TERT: variants seen among roughly 807,000 people sequenced by gnomAD.
TERT encodes telomerase catalytic subunit.
A neutral mutation model predicts 104.0 loss-of-function variants in TERT; 42 were observed. That is an observed-to-expected ratio of 0.40 (90% CI 0.32 to 0.52). The LOEUF is 0.52. Among genes scored for constraint, TERT ranks in the 20% least tolerant of loss-of-function variants. The pLI is 0.43. For missense variants in TERT, 1,101 were observed against 1,610.3 expected (o/e 0.68, Z 5.41); for synonymous variants, 781 against 725.6 (o/e 1.08, Z -1.23).
At chr5:1,264,922 A>C (rs1748484979) in intron 10 of TERT, among the ~76,000 whole-genome samples, 1 of 152,234 alleles carries the variant, frequency 6.6e-6, no homozygotes, top group Non-Finnish European at 1.5e-5. Context: ...ATCCCGTTAT[A>C]GACTCATCTG....
rs2126692248 is a variant in TERT at position 1,294,898 on chromosome 5, A to T, written c.92T>A (p.Leu31Gln). The change falls in exon 1 of 16, where the codon CTG becomes CAG. Residue 31 changes from leucine to glutamine, a missense_variant. Physicochemically the swap from Leu to Gln is moderately radical, Grantham distance 113. Coordinates refer to ENST00000310581, the MANE Select transcript of TERT (RefSeq NM_198253.3). ...VLPLATFVRR[L>Q]GPQGWRLVQR... ...CACCAGCCGCCAGCCCTGGGGCCCC[A>T]GGCGCCGCACGAACGTGGCCAGCGG... 1.4e-6 allele frequency: 2 copies of T among 1,434,796 alleles called. No individual in the cohort carries two copies. Among genetic ancestry groups the T allele is most frequent in the Non-Finnish European group, 9.1e-7 (1 of 1,098,970 alleles). 88.9% of individuals were successfully genotyped at this position (1,434,796 alleles called of 1,614,324 possible).
In TERT at chr5:1,262,282, C is replaced by T. The variant is rs1245741610; in HGVS notation, c.2844-1682G>A. Among the ~76,000 whole-genome samples the T allele has an allele frequency of 2.6e-5, 4 of 152,190 alleles. No individual in the cohort carries two copies. Among genetic ancestry groups the T allele is most frequent in the Admixed American group, 2.0e-4 (3 of 15,282 alleles). On this transcript the variant is annotated intron_variant, in intron 11 of 15. Transcript: ENST00000310581. The surrounding 1 kb of genome is among the most constrained non-coding windows in gnomAD (Gnocchi z 5.6). ...AAAAATTACACACACACTCTCTTTT[C>T]CATCAGCTGTGCCACATACCACATT... is the stretch of plus-strand genomic sequence containing the variant.
At chr5:1,281,729 G>A (rs1342860372) in intron 3 of TERT, among the ~76,000 whole-genome samples, 1 of 152,154 alleles carries the variant, frequency 6.6e-6, no homozygotes, top group East Asian at 1.9e-4. Flanking sequence ...CCAAGTGGGT[G>A]GGATTTTATC....
chr5:1,291,770 C>A (rs1751005847), intron 2 of TERT, among the ~76,000 whole-genome samples: 2 of 152,148 alleles, frequency 1.3e-5, no homozygotes, highest in South Asian at 4.2e-4. Context: ...CACCCGGGGA[C>A]CACGCCTCAC....
chr5:1,289,199 C>G (rs1561210027), intron 2 of TERT, among the ~76,000 whole-genome samples: 1 of 148,930 alleles, frequency 6.7e-6, no homozygotes, highest in Non-Finnish European at 1.5e-5. Flanking sequence ...GTGACAGGGA[C>G]ACCCGGGGAC....
At chr5:1,271,767 C>T (rs1036976519) in intron 7 of TERT, among the ~76,000 whole-genome samples, 3 of 152,214 alleles carry the variant, frequency 2.0e-5, no homozygotes. Flanking sequence ...ACGGCCCGTC[C>T]TCCTAAGAAG....
rs778951942 is a variant in TERT, at chr5:1,294,439, C to A, written c.447G>T (p.Leu149=). The change falls in exon 2 of 16, where the codon CTG becomes CTT. Residue 149 remains leucine (L), a synonymous_variant. Transcript: ENST00000310581. ...LLLRRVGDDV[L]VHLLARCALF... ...GCGCGCAGCGTGCCAGCAGGTGAAC[C>A]AGCACGTCGTCGCCCACGCGGCGCA... is the stretch of plus-strand genomic sequence containing the variant. 6.3e-7 allele frequency: 1 copy of A among 1,592,570 alleles called. No homozygotes were observed. Among genetic ancestry groups the A allele is most frequent in the South Asian group, 1.1e-5 (1 of 90,230 alleles).
rs369189874 is a variant in TERT, at chr5:1,269,336, G to A, written c.2469-703C>T. Among the ~76,000 whole-genome samples, 27 of 152,320 alleles carry A rather than the reference G, an allele frequency of 1.8e-4. No individual in the cohort carries two copies. Among genetic ancestry groups the A allele is most frequent in the Admixed American group, 1.0e-3 (16 of 15,286 alleles). On this transcript the variant is annotated intron_variant, in intron 8 of 15. Transcript: ENST00000310581. This position sits in a 1 kb window ranked among gnomAD's most constrained non-coding sequence, Gnocchi z 9.0. The stretch of plus-strand genomic sequence containing the variant: ...TTAAAAAGAGGCTTTCCGGCTGGGC[G>A]TGATGGCTCACACCTGTAATCCCAG...
intron 2 of TERT, among the ~76,000 whole-genome samples, chr5:1,283,457 C>CCA (rs1750206211): frequency 7.2e-6 from 1 of 138,616 alleles, no homozygotes; most frequent in Non-Finnish European, 1.6e-5. Flanking sequence ...CAGCTAACCG[C>CCA]AGGGCCTGGT....
rs948828680 is a variant in TERT at position 1,255,615 on chromosome 5, T to C, written c.3033-204A>G. ...GTGCGAGTAGCTGCGTGTCTGTGTG[T>C]GCACAGGTACACTGCGTTTCTGTGC... On this transcript the variant is annotated intron_variant, in intron 13 of 15. Coordinates refer to ENST00000310581, the MANE Select transcript of TERT (RefSeq NM_198253.3). The surrounding 1 kb of genome is among the most constrained non-coding windows in gnomAD (Gnocchi z 6.9). 1.3e-5 allele frequency among the ~76,000 whole-genome samples: 2 copies of C among 152,252 alleles called. No individual in the cohort carries two copies. Among genetic ancestry groups the C allele is most frequent in the African/African-American group, 4.8e-5 (2 of 41,476 alleles).
At position 1,274,625 on chromosome 5, in the gene TERT, C is replaced by T. The variant is rs189997722; in HGVS notation, c.2287-2345G>A. Among the ~76,000 whole-genome samples the T allele has an allele frequency of 3.2e-3, 488 of 152,274 alleles. 1 individual carries two copies. The highest frequency in any genetic ancestry group is 5.6e-3 in the Non-Finnish European group (378 of 68,022). ...GTAGGGTGTGTGCGCCTCTGAGCAC[C>T]GCATGCCACTGCTGATCTGAGAGGG... On this transcript the variant is annotated intron_variant, in intron 6 of 15. Transcript: ENST00000310581. This position sits in a 1 kb window ranked among gnomAD's most constrained non-coding sequence, Gnocchi z 5.3.
intron 9 of TERT, among the ~76,000 whole-genome samples, chr5:1,267,491 C>G (rs923731324): frequency 2.0e-5 from 3 of 152,148 alleles, no homozygotes; most frequent in African/African-American, 7.2e-5. Flanking sequence ...TGGGTATATA[C>G]CCAAAGGATT....
chr5:1,285,967 G>A (rs1750455375), intron 2 of TERT, among the ~76,000 whole-genome samples: 1 of 152,042 alleles, frequency 6.6e-6, no homozygotes, highest in Non-Finnish European at 1.5e-5. Flanking sequence ...GCAGAAGGGA[G>A]GAAGCAGACA....
intron 2 of TERT, among the ~76,000 whole-genome samples, chr5:1,291,102 C>T (rs1356992072): frequency 3.9e-5 from 5 of 128,520 alleles, no homozygotes; most frequent in South Asian, 2.5e-4. Flanking sequence ...CTGGGGACCG[C>T]GCCTCACTCA....
rs765999804 is a variant in TERT, at chr5:1,294,070, C to T, written c.816G>A (p.Val272=). 7 of 1,590,758 alleles carry T rather than the reference C, an allele frequency of 4.4e-6. No individual in the cohort carries two copies. Among genetic ancestry groups the T allele is most frequent in the African/African-American group, 1.3e-5 (1 of 74,316 alleles). ...CTTCGGCGGGTCTGGCAGGTGACAC[C>T]ACACAGAAACCACGGTCACTCGGTC... ...TRGPSDRGFC[V]VSPARPAEEA... Residue 272 remains valine (V), a synonymous_variant, in exon 2 of 16, where the codon GTG becomes GTA. Coordinates refer to ENST00000310581, the MANE Select transcript of TERT (RefSeq NM_198253.3).
At chr5:1,279,798 C>A in intron 4 of TERT, among the ~76,000 whole-genome samples, 1 of 152,206 alleles carries the variant, frequency 6.6e-6, no homozygotes, top group East Asian at 1.9e-4. Flanking sequence ...CCGGTGGGCT[C>A]CTGGCAGTCG....
At position 1,289,170 on chromosome 5, in the gene TERT, C is replaced by A. The variant is rs544015804; in HGVS notation, c.1573+4143G>T. Among the ~76,000 whole-genome samples, 13 of 146,576 alleles carry A rather than the reference C, an allele frequency of 8.9e-5. No individual in the cohort carries two copies. The East Asian group carries it at 2.3e-3, about 25-fold the overall frequency. The stretch of plus-strand genomic sequence containing the variant: ...ACCTGAGAGGGACACCCGGGGGCCG[C>A]AACTCACTCACCCTACACGTGACAG... On this transcript the variant is annotated intron_variant, in intron 2 of 15. Coordinates refer to ENST00000310581, the MANE Select transcript of TERT (RefSeq NM_198253.3).
intron 7 of TERT, 36 bp downstream of exon 7, chr5:1,272,149 G>A (rs1266655447): frequency 1.3e-6 from 2 of 1,531,670 alleles, no homozygotes; most frequent in Admixed American, 1.8e-5. Flanking sequence ...CCACTGCTGG[G>A]AGTCCGTGCC....
chr5:1,279,525 C>A (rs1749870841), intron 4 of TERT, 55 bp from the exon 5 acceptor site: 4 of 1,529,010 alleles, frequency 2.6e-6, no homozygotes, highest in Non-Finnish European at 1.8e-6. Context: ...CAAGTGCCCA[C>A]CCCACCATAG....
Sources: gnomAD v4.1 joint callset for allele counts (sites outside exome capture counted in the v4.1 genomes callset) on GRCh38, gnomAD v4.1.1 for gene constraint, Gnocchi (gnomAD v3.1) non-coding constraint, MANE v1.5 for transcripts, NCBI Gene and HGNC (gene_info 2026-07-23, HGNC 2026-07-21) for gene names.